KCNT2: variants seen among roughly 807,000 people sequenced by gnomAD.
KCNT2 encodes potassium sodium-activated channel subfamily T member 2, also known as potassium channel subfamily T member 2.
Under a neutral mutation model 153.8 loss-of-function variants are expected in KCNT2, and 67 were observed. The ratio of observed to expected loss-of-function variants is 0.44; its 90% CI spans 0.36 to 0.53. The LOEUF is 0.53. Among genes scored for constraint, KCNT2 ranks in the 20% least tolerant of loss-of-function variants. The probability of loss-of-function intolerance (pLI) is 0.00; values close to 1 mark genes in which losing one functional copy is unlikely to be tolerated. For missense variants in KCNT2, 975 were observed against 1,354.8 expected, an observed-to-expected ratio of 0.72 and a Z score of 4.40; for synonymous variants, 500 against 458.8, an observed-to-expected ratio of 1.09 and a Z score of -1.15.
At chr1:196,228,754 T>G (rs558005793) in intron 27 of KCNT2, among the ~76,000 whole-genome samples, 1 of 152,242 alleles carries the variant, frequency 6.6e-6, no homozygotes, top group African/African-American at 2.4e-5. Context: ...TAGCCATCAT[T>G]CTTCCATTAC....
At chr1:196,270,082 C>G (rs746708246) in intron 25 of KCNT2, among the ~76,000 whole-genome samples, 15 of 151,730 alleles carry the variant, frequency 9.9e-5, no homozygotes, top group Non-Finnish European at 1.8e-4. Context: ...TGTTTTTTAT[C>G]TTTTCTAAAG....
intron 1 of KCNT2, among the ~76,000 whole-genome samples, chr1:196,569,972 A>T (rs1309747233): frequency 5.9e-5 from 9 of 151,558 alleles, no homozygotes; most frequent in Non-Finnish European, 1.3e-4. Flanking sequence ...CAACCAAGTT[A>T]ACCAAAGTCA....
chr1:196,307,389 C>T (rs1273515994), intron 21 of KCNT2, among the ~76,000 whole-genome samples: 2 of 152,040 alleles, frequency 1.3e-5, no homozygotes, highest in Non-Finnish European at 2.9e-5. Context: ...CAAGATGAAA[C>T]TTAAAAAATT....
intron 12 of KCNT2, among the ~76,000 whole-genome samples, chr1:196,399,893 C>T (rs1296777246): frequency 2.0e-5 from 3 of 151,812 alleles, no homozygotes; most frequent in Admixed American, 6.6e-5. Flanking sequence ...ACCAGGAAGC[C>T]AGTCTTTATC....
At position 196,257,702 on chromosome 1, in the gene KCNT2, A is replaced by G. The variant is rs543655256; in HGVS notation, c.3211+492T>C. On this transcript the variant is annotated intron_variant, in intron 26 of 27. Coordinates refer to ENST00000294725, the MANE Select transcript of KCNT2 (RefSeq NM_198503.5). ...GACAGATTGGCACTATATGAGATAA[A>G]GCAGTATTTGAGCTTCAAAATTAAA... 5.1e-6 allele frequency: 5 copies of G among 983,154 alleles called. No individual in the cohort carries two copies. The African/African-American group carries it at 8.7e-5, about 17-fold the overall frequency. The allele number at this position is 983,154 out of a possible 1,614,324, so 60.9% of individuals were successfully genotyped here.
In KCNT2 at chr1:196,280,885, T is replaced by C. The variant is rs780063690; in HGVS notation, c.2885A>G (p.Glu962Gly). ...GDVPIGIYRT[E>G]SQKLTTSESQ... is the part of the protein sequence containing the mutation. ...CTCAGATGTAGTAAGTTTCTGAGAC[T>C]CAGTCCTGTAGATTCCAATGGGAAC... The change falls in exon 25 of 28, where the codon GAG becomes GGG. Residue 962 changes from glutamate (E) to glycine (G), a missense_variant. By Grantham distance (98) the Glu-to-Gly change is moderately conservative. Transcript: ENST00000294725. 6.2e-7 allele frequency: 1 copy of C among 1,612,572 alleles called. No homozygotes were observed.
intron 8 of KCNT2, among the ~76,000 whole-genome samples, chr1:196,440,934 C>T (rs948614760): frequency 3.3e-5 from 5 of 151,766 alleles, no homozygotes; most frequent in Non-Finnish European, 7.4e-5. Flanking sequence ...TGACAAAGTA[C>T]GGTCTATACA....
chr1:196,402,463 G>T (rs74136537), intron 12 of KCNT2, among the ~76,000 whole-genome samples: 1 of 151,396 alleles, frequency 6.6e-6, no homozygotes, highest in Non-Finnish European at 1.5e-5. Flanking sequence ...ATGATATAAA[G>T]CTCACTATGA....
At chr1:196,305,655 C>T (rs1299209785) in intron 21 of KCNT2, among the ~76,000 whole-genome samples, 2 of 151,994 alleles carry the variant, frequency 1.3e-5, no homozygotes, top group African/African-American at 4.8e-5. Context: ...TAAGAAGTTA[C>T]AAGGTTACTT....
intron 12 of KCNT2, among the ~76,000 whole-genome samples, chr1:196,402,679 A>G (rs549012666): frequency 6.6e-6 from 1 of 151,644 alleles, no homozygotes; most frequent in Non-Finnish European, 1.5e-5. Context: ...ATTAATAATG[A>G]CATTAAATGC....
chr1:196,312,310 G>T (rs917754668), intron 21 of KCNT2, among the ~76,000 whole-genome samples: 1 of 151,620 alleles, frequency 6.6e-6, no homozygotes, highest in Non-Finnish European at 1.5e-5. Flanking sequence ...TTCCTCCAGG[G>T]AATTTGGAAC....
chr1:196,228,216 T>C lies in KCNT2; in HGVS notation c.*8A>G. The C allele has an allele frequency of 6.4e-7, 1 of 1,568,184 alleles. No homozygotes were observed. The highest frequency in any genetic ancestry group is 8.8e-7 in the Non-Finnish European group (1 of 1,142,424). ...TTTGTAGGAAAAAAGTTTCTCATTTTATTTTTATCAAAGTTGAGTTTCCTC... is the reference window on the plus strand; with the variant it reads ...TTTGTAGGAAAAAAGTTTCTCATTTCATTTTTATCAAAGTTGAGTTTCCTC... On this transcript the variant is annotated 3_prime_UTR_variant, in exon 28 of 28. Transcript: ENST00000294725.
intron 8 of KCNT2, among the ~76,000 whole-genome samples, chr1:196,443,473 T>C (rs1212236419): frequency 1.3e-5 from 2 of 151,534 alleles, no homozygotes; most frequent in Non-Finnish European, 3.0e-5. Context: ...ATAAAATAGT[T>C]ATTAATCCCT....
At chr1:196,232,482 G>T (rs1172815302) in intron 27 of KCNT2, among the ~76,000 whole-genome samples, 2 of 151,532 alleles carry the variant, frequency 1.3e-5, no homozygotes, top group Non-Finnish European at 3.0e-5. Flanking sequence ...TATATTACAT[G>T]TCATGGTAGG....
intron 8 of KCNT2, among the ~76,000 whole-genome samples, chr1:196,444,215 C>A (rs1345793131): frequency 6.6e-6 from 1 of 151,202 alleles, no homozygotes; most frequent in Non-Finnish European, 1.5e-5. Context: ...GTAAATATTT[C>A]TTCATATAAA....
chr1:196,533,959 T>C (rs776687661), intron 1 of KCNT2, among the ~76,000 whole-genome samples: 5 of 152,226 alleles, frequency 3.3e-5, no homozygotes, highest in Non-Finnish European at 5.9e-5. Context: ...TCTCTTCTTG[T>C]AGATGGTCAG....
At chr1:196,528,993 C>A (rs1324986991) in intron 1 of KCNT2, among the ~76,000 whole-genome samples, 1 of 151,962 alleles carries the variant, frequency 6.6e-6, no homozygotes, top group Non-Finnish European at 1.5e-5. Flanking sequence ...GACTGAATAA[C>A]TTTTTAGAAA....
intron 27 of KCNT2, among the ~76,000 whole-genome samples, chr1:196,235,002 A>G (rs1040258911): frequency 1.3e-5 from 2 of 151,440 alleles, no homozygotes; most frequent in African/African-American, 4.8e-5. Flanking sequence ...ACAACTGTCA[A>G]AGTGCCTTTT....
intron 8 of KCNT2, among the ~76,000 whole-genome samples, chr1:196,434,767 T>C (rs570900932): frequency 6.6e-6 from 1 of 152,058 alleles, no homozygotes; most frequent in East Asian, 1.9e-4. Context: ...AGTGACATTA[T>C]GTGGTTGCAG....
Sources: gnomAD v4.1 joint callset for allele counts (sites outside exome capture counted in the v4.1 genomes callset) on GRCh38, gnomAD v4.1.1 for gene constraint, MANE v1.5 for transcripts, NCBI Gene and HGNC (gene_info 2026-07-23, HGNC 2026-07-21) for gene names.